Variants in GALNTL6 observed in about 807,000 individuals in gnomAD.
GALNTL6 encodes polypeptide N-acetylgalactosaminyltransferase-like 6.
GALNTL6 carries 46 observed loss-of-function variants against 73.7 expected under a neutral mutation model. The ratio of observed to expected loss-of-function variants is 0.62; its 90% CI spans 0.49 to 0.80. The LOEUF (loss-of-function observed/expected upper bound fraction) is 0.80, where lower values mean the gene tolerates loss of function less well. Among genes scored for constraint, GALNTL6 ranks in the 30% least tolerant of loss-of-function variants. The probability of loss-of-function intolerance (pLI) is 0.00; values close to 1 mark genes in which losing one functional copy is unlikely to be tolerated. For synonymous variants in GALNTL6, 259 were observed against 263.7 expected, an observed-to-expected ratio of 0.98 and a Z score of 0.17; for missense variants, 604 against 755.0, an observed-to-expected ratio of 0.80 and a Z score of 2.34.
At chr4:172,087,831 T>A (rs79454608) in intron 2 of GALNTL6, among the ~76,000 whole-genome samples, 2,527 of 152,140 alleles carry the variant, frequency 0.017, 58 homozygotes, top group African/African-American at 0.055. Flanking sequence ...TTATATATAT[T>A]TATTCTGAAC....
chr4:172,660,265 T>C (rs1731296675), intron 5 of GALNTL6, among the ~76,000 whole-genome samples: 2 of 152,192 alleles, frequency 1.3e-5, no homozygotes, highest in African/African-American at 4.8e-5. Flanking sequence ...CTTGGCATCA[T>C]AGGAAGACCC....
rs146016393 is a variant in GALNTL6 at position 172,132,471 on chromosome 4, CTT to C, written c.139-97183_139-97182del. On this transcript the variant is annotated intron_variant, in intron 2 of 12. Coordinates refer to ENST00000506823, the MANE Select transcript of GALNTL6 (RefSeq NM_001034845.3). ...AGCCTCAACATTGTCAATTTTGGCT[CTT>C]TGTCATTTTCCTCAATAGGGTTACT... 6.5e-3 allele frequency among the ~76,000 whole-genome samples: 993 copies of C among 152,166 alleles called. 16 individuals are homozygous for C. The highest frequency in any genetic ancestry group is 0.023 in the African/African-American group (943 of 41,534).
At chr4:172,445,115 A>G (rs1731973799) in intron 5 of GALNTL6, among the ~76,000 whole-genome samples, 1 of 152,140 alleles carries the variant, frequency 6.6e-6, no homozygotes, top group South Asian at 2.1e-4. Flanking sequence ...TCCTCAGAGA[A>G]CTTTTTGTCC....
intron 2 of GALNTL6, among the ~76,000 whole-genome samples, chr4:171,825,021 T>C (rs1192996418): frequency 6.6e-6 from 1 of 152,182 alleles, no homozygotes; most frequent in East Asian, 1.9e-4. Flanking sequence ...TTTCCCCTCA[T>C]ATTTTTAGTT....
intron 5 of GALNTL6, among the ~76,000 whole-genome samples, chr4:172,721,076 T>C (rs1735444507): frequency 6.6e-6 from 1 of 152,240 alleles, no homozygotes; most frequent in African/African-American, 2.4e-5. Flanking sequence ...ATGTATTCAG[T>C]AATAGAAGTG....
intron 5 of GALNTL6, among the ~76,000 whole-genome samples, chr4:172,614,419 A>AT (rs1738644390): frequency 6.6e-6 from 1 of 152,144 alleles, no homozygotes; most frequent in Non-Finnish European, 1.5e-5. Context: ...AACAATTTAT[A>AT]TTTTTATTCT....
chr4:172,910,148 G>C (rs146506602), intron 8 of GALNTL6, among the ~76,000 whole-genome samples: 1 of 151,876 alleles, frequency 6.6e-6, no homozygotes, highest in Non-Finnish European at 1.5e-5. Context: ...AATTAAAATA[G>C]TTTCATATGC....
At chr4:172,977,973 G>T (rs1410639565) in intron 10 of GALNTL6, among the ~76,000 whole-genome samples, 2 of 152,068 alleles carry the variant, frequency 1.3e-5, no homozygotes. Context: ...CTGAGTAGCT[G>T]GGATTACAGG....
chr4:172,526,058 G>A (rs1054115646), intron 5 of GALNTL6, among the ~76,000 whole-genome samples: 4 of 152,122 alleles, frequency 2.6e-5, no homozygotes, highest in African/African-American at 7.2e-5. Flanking sequence ...TTAATGGTCT[G>A]TTGTGTGTGA....
intron 5 of GALNTL6, among the ~76,000 whole-genome samples, chr4:172,609,625 C>CTCTCTCTCTGTGTG (rs753051714): frequency 3.9e-4 from 36 of 92,776 alleles, no homozygotes; most frequent in East Asian, 6.5e-4. Flanking sequence ...CTCTCTCTCT[C>CTCTCTCTCTGTGTG]TGTGTGTGTG....
chr4:172,111,721 T>A (rs992810396), intron 2 of GALNTL6, among the ~76,000 whole-genome samples: 1 of 152,060 alleles, frequency 6.6e-6, no homozygotes, highest in Non-Finnish European at 1.5e-5. Context: ...TCATTTGTAG[T>A]ACTACTACTT....
intron 10 of GALNTL6, among the ~76,000 whole-genome samples, chr4:172,968,390 C>G (rs997001332): frequency 6.6e-6 from 1 of 152,162 alleles, no homozygotes; most frequent in Non-Finnish European, 1.5e-5. Context: ...GAGGCCAATG[C>G]AAAGAGACCA....
chr4:172,187,252 T>C (rs191235814), intron 2 of GALNTL6, among the ~76,000 whole-genome samples: 1 of 152,230 alleles, frequency 6.6e-6, no homozygotes, highest in East Asian at 1.9e-4. Context: ...ACATAAGACT[T>C]CAGCATCTAT....
intron 2 of GALNTL6, among the ~76,000 whole-genome samples, chr4:172,093,335 CT>C (rs552481497): frequency 1.3e-5 from 2 of 152,014 alleles, no homozygotes; most frequent in East Asian, 1.9e-4. Flanking sequence ...ACCATTGTAT[CT>C]TTTTTTTATT....
In GALNTL6 at chr4:173,008,081, A is replaced by G. The variant is rs899192405; in HGVS notation, c.1372-1097A>G. 5.3e-5 allele frequency among the ~76,000 whole-genome samples: 8 copies of G among 152,326 alleles called. No individual in the cohort carries two copies. The South Asian group carries it at 1.7e-3, about 32-fold the overall frequency. ...TGCTAATACTCTAGAGTGACATTTA[A>G]TTTATCATCCAAAAGCAATGCTAAA... is the stretch of plus-strand genomic sequence containing the variant. On this transcript the variant is annotated intron_variant, in intron 10 of 12. Transcript: ENST00000506823.
At chr4:172,959,230 C>G (rs952433469) in intron 10 of GALNTL6, among the ~76,000 whole-genome samples, 11 of 151,622 alleles carry the variant, frequency 7.3e-5, no homozygotes, top group African/African-American at 2.2e-4. Context: ...TGGGGAGATA[C>G]AAGGAGAGGA....
intron 9 of GALNTL6, among the ~76,000 whole-genome samples, chr4:172,936,302 T>C (rs1194209235): frequency 6.6e-6 from 1 of 152,192 alleles, no homozygotes; most frequent in African/African-American, 2.4e-5. Flanking sequence ...GAGCTATTTA[T>C]GACAAACCTA....
chr4:172,664,776 G>C (rs1202955646), intron 5 of GALNTL6, among the ~76,000 whole-genome samples: 1 of 152,194 alleles, frequency 6.6e-6, no homozygotes, highest in East Asian at 1.9e-4. Flanking sequence ...TTGTAAGCTC[G>C]TTATTGTCTT....
intron 2 of GALNTL6, among the ~76,000 whole-genome samples, chr4:172,161,241 T>A (rs991774099): frequency 6.6e-6 from 1 of 152,066 alleles, no homozygotes; most frequent in Non-Finnish European, 1.5e-5. Flanking sequence ...TGGTTGCATT[T>A]TGCCACATTT....
Sources: allele counts gnomAD v4.1 joint callset (sites outside exome capture counted in the v4.1 genomes callset), GRCh38; gene constraint gnomAD v4.1.1; transcripts MANE v1.5; gene names NCBI Gene and HGNC (gene_info 2026-07-23, HGNC 2026-07-21).